LDLRAD3: variants seen among roughly 807,000 people sequenced by gnomAD.
LDLRAD3 encodes low-density lipoprotein receptor class A domain-containing protein 3.
Under a neutral mutation model 29.4 loss-of-function variants are expected in LDLRAD3, and 20 were observed. The observed-to-expected ratio is 0.68, with a 90% CI of 0.48 to 0.99. LDLRAD3 has a LOEUF of 0.99. Ranked by LOEUF, LDLRAD3 falls within the 50% of genes least tolerant of loss-of-function variation. LDLRAD3 has a pLI of 0.00. For missense variants in LDLRAD3, 420 were observed against 454.3 expected (o/e 0.92, Z 0.69); for synonymous variants, 157 against 192.7 (o/e 0.81, Z 1.53).
At chr11:36,101,270 C>T (rs970983838) in intron 4 of LDLRAD3, among the ~76,000 whole-genome samples, 1 of 152,156 alleles carries the variant, frequency 6.6e-6, no homozygotes, top group African/African-American at 2.4e-5. Context: ...AGAAGAGTAA[C>T]AAGAACAGGA....
At chr11:36,118,717 A>T (rs1206096458) in intron 4 of LDLRAD3, among the ~76,000 whole-genome samples, 1 of 152,100 alleles carries the variant, frequency 6.6e-6, no homozygotes, top group African/African-American at 2.4e-5. Flanking sequence ...TAATTCCCCC[A>T]TTTAAAGCAC....
At chr11:35,958,652 T>C (rs925047813) in intron 1 of LDLRAD3, among the ~76,000 whole-genome samples, 13 of 152,174 alleles carry the variant, frequency 8.5e-5, no homozygotes, top group African/African-American at 2.4e-4. Flanking sequence ...AAGCCTGTTG[T>C]TGCCCAGCCT....
At chr11:36,010,642 A>C (rs193283318) in intron 1 of LDLRAD3, among the ~76,000 whole-genome samples, 36 of 152,120 alleles carry the variant, frequency 2.4e-4, no homozygotes, top group African/African-American at 8.0e-4. Flanking sequence ...TCCCACCCTT[A>C]TATCCTCCTC....
intron 4 of LDLRAD3, among the ~76,000 whole-genome samples, chr11:36,132,252 T>G (rs766699611): frequency 4.4e-4 from 67 of 152,292 alleles, no homozygotes; most frequent in Admixed American, 9.2e-4. Flanking sequence ...GAGGCTGCAT[T>G]AAGAGGCTCC....
chr11:36,015,088 T>C (rs1371597173), intron 1 of LDLRAD3, among the ~76,000 whole-genome samples: 1 of 152,192 alleles, frequency 6.6e-6, no homozygotes, highest in Non-Finnish European at 1.5e-5. Context: ...ACAGCAGCCA[T>C]GTAGACTTTT....
chr11:36,016,911 T>C (rs989965158), intron 1 of LDLRAD3, among the ~76,000 whole-genome samples: 24 of 152,180 alleles, frequency 1.6e-4, no homozygotes, highest in African/African-American at 5.1e-4. Flanking sequence ...TATTGCATCA[T>C]AGGAGGGGAC....
chr11:36,181,111 A>C (rs1370615121), intron 4 of LDLRAD3, among the ~76,000 whole-genome samples: 6 of 152,002 alleles, frequency 3.9e-5, no homozygotes. Flanking sequence ...TAACTTTTTA[A>C]CGATCAGATG....
chr11:36,021,552 G>C (rs1852096155), intron 1 of LDLRAD3, among the ~76,000 whole-genome samples: 2 of 152,206 alleles, frequency 1.3e-5, no homozygotes, highest in Admixed American at 1.3e-4. Context: ...AGGCCCCCTG[G>C]TGACTTTGTG....
intron 1 of LDLRAD3, among the ~76,000 whole-genome samples, chr11:35,993,112 C>T (rs1212716584): frequency 2.6e-5 from 4 of 152,116 alleles, no homozygotes; most frequent in Non-Finnish European, 5.9e-5. Flanking sequence ...CAGGGTTACA[C>T]AATTTATAAA....
intron 4 of LDLRAD3, among the ~76,000 whole-genome samples, chr11:36,195,558 A>G (rs1409378615): frequency 6.6e-6 from 1 of 152,230 alleles, no homozygotes; most frequent in African/African-American, 2.4e-5. Flanking sequence ...GAGTATAGAA[A>G]GAACAGCTGA....
chr11:36,062,914 A>C (rs1344068979), intron 2 of LDLRAD3, among the ~76,000 whole-genome samples: 2 of 152,208 alleles, frequency 1.3e-5, no homozygotes, highest in Non-Finnish European at 1.5e-5. Context: ...ACGTTGACCC[A>C]CTAAAACTAG....
At chr11:36,013,298 C>CT (rs528922533) in intron 1 of LDLRAD3, among the ~76,000 whole-genome samples, 10 of 151,248 alleles carry the variant, frequency 6.6e-5, no homozygotes, top group South Asian at 4.2e-4. Context: ...TCTTCTTCTT[C>CT]TTTTTTTTTA....
chr11:36,156,523 A>G (rs1480682709), intron 4 of LDLRAD3, among the ~76,000 whole-genome samples: 2 of 152,220 alleles, frequency 1.3e-5, no homozygotes, highest in African/African-American at 2.4e-5. Flanking sequence ...AGTAAACAGC[A>G]GTTTTCAGAA....
chr11:36,047,099 A>G (rs1439156934), intron 2 of LDLRAD3, among the ~76,000 whole-genome samples: 1 of 151,842 alleles, frequency 6.6e-6, no homozygotes, highest in Non-Finnish European at 1.5e-5. Context: ...CCAGCTCTCC[A>G]CTCTCCAGCC....
chr11:35,961,160 T>G (rs1851273304), intron 1 of LDLRAD3, among the ~76,000 whole-genome samples: 1 of 152,140 alleles, frequency 6.6e-6, no homozygotes, highest in African/African-American at 2.4e-5. Flanking sequence ...GGTGCCCCCG[T>G]GGCTCAGCGT....
At chr11:36,065,974 C>T (rs866565672) in intron 2 of LDLRAD3, among the ~76,000 whole-genome samples, 5 of 152,196 alleles carry the variant, frequency 3.3e-5, no homozygotes, top group Middle Eastern at 6.8e-3. Context: ...AGAAGGAAAA[C>T]CTCAAGGTTT....
chr11:36,173,079 A>G (rs1299399384), intron 4 of LDLRAD3, among the ~76,000 whole-genome samples: 2 of 152,204 alleles, frequency 1.3e-5, no homozygotes, highest in East Asian at 3.9e-4. Context: ...CCAAAAATTT[A>G]TCCATCTCCT....
intron 2 of LDLRAD3, among the ~76,000 whole-genome samples, chr11:36,040,592 C>G (rs765720339): frequency 6.6e-6 from 1 of 152,148 alleles, no homozygotes; most frequent in Non-Finnish European, 1.5e-5. Context: ...TGGCATTTCT[C>G]TTCTTTCCAG....
intron 4 of LDLRAD3, among the ~76,000 whole-genome samples, chr11:36,142,986 G>A (rs1854108801): frequency 6.6e-6 from 1 of 152,330 alleles, no homozygotes; most frequent in African/African-American, 2.4e-5. Context: ...AGCCAAATTG[G>A]TGAACCTTTT....
Sources: allele counts gnomAD v4.1 joint callset (sites outside exome capture counted in the v4.1 genomes callset), GRCh38; gene constraint gnomAD v4.1.1; transcripts MANE v1.5; gene names NCBI Gene and HGNC (gene_info 2026-07-23, HGNC 2026-07-21).